TRPC6: variants seen among roughly 807,000 people sequenced by gnomAD.
The protein encoded by TRPC6 is transient receptor potential cation channel subfamily C member 6.
In TRPC6, 55 loss-of-function variants were observed where a neutral mutation model predicts 90.7. That is an observed-to-expected ratio of 0.61 (90% confidence interval 0.49 to 0.76). The LOEUF is 0.76. Among genes scored for constraint, TRPC6 ranks in the 30% least tolerant of loss-of-function variants. TRPC6 has a pLI of 0.00. For missense variants in TRPC6, 989 were observed against 1,122.7 expected, an observed-to-expected ratio of 0.88 and a Z score of 1.70; for synonymous variants, 393 against 393.0, an observed-to-expected ratio of 1.00 and a Z score of 0.00.
intron 1 of TRPC6, among the ~76,000 whole-genome samples, chr11:101,524,621 T>A (rs1860736738): frequency 6.6e-6 from 1 of 152,266 alleles, no homozygotes; most frequent in Admixed American, 6.5e-5. Flanking sequence ...TCTACCATGC[T>A]GCAAGAACTT....
chr11:101,470,970 C>T (rs1859279673), intron 9 of TRPC6, among the ~76,000 whole-genome samples: 1 of 152,042 alleles, frequency 6.6e-6, no homozygotes, highest in African/African-American at 2.4e-5. Flanking sequence ...AGTTATATTT[C>T]ATGAATTTTT....
chr11:101,459,210 T>G (rs1447629374), intron 10 of TRPC6, among the ~76,000 whole-genome samples: 1 of 152,078 alleles, frequency 6.6e-6, no homozygotes, highest in Admixed American at 6.6e-5. Context: ...AAGTATGAGA[T>G]GTACCCAGGA....
At chr11:101,468,714 C>A (rs543146297) in intron 10 of TRPC6, among the ~76,000 whole-genome samples, 118 of 152,278 alleles carry the variant, frequency 7.7e-4, no homozygotes, top group African/African-American at 2.7e-3. Flanking sequence ...CCCCATACTG[C>A]ATAAATCTGG....
chr11:101,509,523 T>C lies in TRPC6; in HGVS notation c.171-4725A>G, dbSNP rs577992817. Among the ~76,000 whole-genome samples the C allele has an allele frequency of 3.0e-4, 45 of 152,324 alleles. 2 individuals are homozygous for C. The highest frequency in any genetic ancestry group is 1.1e-3 in the African/African-American group (44 of 41,562). Reference sequence around the variant, plus strand: ...TAAGTTTACATTGAGCTAAATAGAATGTCTGAGTTGTGACATCTTTTATTC... The same window carrying C: ...TAAGTTTACATTGAGCTAAATAGAACGTCTGAGTTGTGACATCTTTTATTC... On this transcript the variant is annotated intron_variant, in intron 1 of 12. Transcript: ENST00000344327.
At chr11:101,458,044 T>G (rs144698238) in intron 10 of TRPC6, among the ~76,000 whole-genome samples, 3 of 152,274 alleles carry the variant, frequency 2.0e-5, no homozygotes, top group Non-Finnish European at 4.4e-5. Context: ...TAGCTGACCT[T>G]AACCATACTC....
intron 1 of TRPC6, among the ~76,000 whole-genome samples, chr11:101,531,651 T>C (rs575698537): frequency 1.7e-4 from 26 of 152,312 alleles, no homozygotes; most frequent in African/African-American, 6.0e-4. Flanking sequence ...ATTTGAGGCG[T>C]TTTGTATTTA....
chr11:101,572,632 G>A (rs1450331829), intron 1 of TRPC6, among the ~76,000 whole-genome samples: 1 of 152,150 alleles, frequency 6.6e-6, no homozygotes, highest in Non-Finnish European at 1.5e-5. Flanking sequence ...TTATAGACTG[G>A]ATAAAGAAAA....
At chr11:101,572,691 A>C in intron 1 of TRPC6, among the ~76,000 whole-genome samples, 1 of 152,220 alleles carries the variant, frequency 6.6e-6, no homozygotes, top group Non-Finnish European at 1.5e-5. Context: ...AAAAAGGATG[A>C]GTTCATGTCC....
At chr11:101,569,042 C>T (rs761557620) in intron 1 of TRPC6, among the ~76,000 whole-genome samples, 7 of 151,926 alleles carry the variant, frequency 4.6e-5, no homozygotes, top group Non-Finnish European at 7.4e-5. Context: ...GGCTAAATGC[C>T]CCAATTAAAA....
intron 2 of TRPC6, among the ~76,000 whole-genome samples, chr11:101,503,241 AT>A (rs1401012126): frequency 1.3e-5 from 2 of 152,160 alleles, no homozygotes; most frequent in African/African-American, 4.8e-5. Flanking sequence ...ATCTGACACC[AT>A]TTATCTCTCC....
chr11:101,525,413 C>T (rs796696814), intron 1 of TRPC6, among the ~76,000 whole-genome samples: 2 of 152,076 alleles, frequency 1.3e-5, no homozygotes, highest in South Asian at 4.1e-4. Flanking sequence ...GATGCTTAGT[C>T]TTAGAATTTT....
At chr11:101,569,096 G>A (rs560872435) in intron 1 of TRPC6, among the ~76,000 whole-genome samples, 1 of 152,032 alleles carries the variant, frequency 6.6e-6, no homozygotes, top group Admixed American at 6.5e-5. Flanking sequence ...ACACATCAGT[G>A]TGCTGTATTC....
At chr11:101,548,289 T>TTATATAATA (rs1861361033) in intron 1 of TRPC6, among the ~76,000 whole-genome samples, 1 of 132,290 alleles carries the variant, frequency 7.6e-6, no homozygotes, top group South Asian at 2.2e-4. Flanking sequence ...TATATATAAT[T>TTATATAATA]ATATATAATT....
At chr11:101,468,846 T>A (rs1404246256) in intron 10 of TRPC6, among the ~76,000 whole-genome samples, 1 of 152,084 alleles carries the variant, frequency 6.6e-6, no homozygotes, top group Admixed American at 6.5e-5. Flanking sequence ...TCCTAATCAT[T>A]CCTTTATCAT....
At chr11:101,577,330 A>G (rs1862091527) in intron 1 of TRPC6, among the ~76,000 whole-genome samples, 1 of 152,186 alleles carries the variant, frequency 6.6e-6, no homozygotes, top group Admixed American at 6.5e-5. Flanking sequence ...TCTTGTTAAG[A>G]AAATCAGCCC....
chr11:101,531,976 C>T (rs1860921660), intron 1 of TRPC6, among the ~76,000 whole-genome samples: 1 of 152,144 alleles, frequency 6.6e-6, no homozygotes, highest in Non-Finnish European at 1.5e-5. Flanking sequence ...CAGCAGTTTC[C>T]AGGCATGGCA....
intron 1 of TRPC6, among the ~76,000 whole-genome samples, chr11:101,544,194 C>A (rs1447708255): frequency 6.6e-6 from 1 of 152,142 alleles, no homozygotes; most frequent in Admixed American, 6.5e-5. Flanking sequence ...CATCTCACAC[C>A]AGTTAGGATG....
At chr11:101,581,199 C>G (rs1281001231) in intron 1 of TRPC6, among the ~76,000 whole-genome samples, 1 of 152,176 alleles carries the variant, frequency 6.6e-6, no homozygotes, top group African/African-American at 2.4e-5. Flanking sequence ...CTCTGCTGCT[C>G]AGTTCTATTT....
At chr11:101,559,619 C>T (rs986941586) in intron 1 of TRPC6, among the ~76,000 whole-genome samples, 10 of 148,878 alleles carry the variant, frequency 6.7e-5, no homozygotes, top group African/African-American at 2.3e-4. Context: ...TAAGAGCATC[C>T]ACTATAATGT....
Sources: gnomAD v4.1 joint callset for allele counts (sites outside exome capture counted in the v4.1 genomes callset) on GRCh38, gnomAD v4.1.1 for gene constraint, MANE v1.5 for transcripts, NCBI Gene and HGNC (gene_info 2026-07-23, HGNC 2026-07-21) for gene names.